CMTM7: variants seen among roughly 807,000 people sequenced by gnomAD.
The protein encoded by CMTM7 is CKLF-like MARVEL transmembrane domain-containing protein 7.
A neutral mutation model predicts 19.3 loss-of-function variants in CMTM7; 7 were observed. The ratio of observed to expected loss-of-function variants is 0.36; its 90% CI spans 0.21 to 0.68. The LOEUF is 0.68. Among genes scored for constraint, CMTM7 ranks in the 30% least tolerant of loss-of-function variants. The pLI is 0.60. For synonymous variants in CMTM7, 87 were observed against 99.3 expected, an observed-to-expected ratio of 0.88 and a Z score of 0.74; for missense variants, 193 against 232.6, an observed-to-expected ratio of 0.83 and a Z score of 1.11.
At chr3:32,402,735 T>A (rs1470862048) in intron 1 of CMTM7, among the ~76,000 whole-genome samples, 4 of 152,074 alleles carry the variant, frequency 2.6e-5, no homozygotes, top group Non-Finnish European at 4.4e-5. Context: ...CCCGGCTAAC[T>A]TTTGTATTTT....
At chr3:32,440,940 A>G (rs1696665323) in intron 1 of CMTM7, among the ~76,000 whole-genome samples, 1 of 152,178 alleles carries the variant, frequency 6.6e-6, no homozygotes, top group African/African-American at 2.4e-5. Context: ...TCTTGTACTC[A>G]TGCATTGCTA....
chr3:32,409,397 A>G (rs1405826562), intron 1 of CMTM7, among the ~76,000 whole-genome samples: 2 of 152,176 alleles, frequency 1.3e-5, no homozygotes, highest in East Asian at 3.8e-4. Flanking sequence ...GTGCTTCAGC[A>G]TGCATTTTGT....
In CMTM7 at chr3:32,407,237, C is replaced by A. The variant is rs913247750; in HGVS notation, c.159+15172C>A. On this transcript the variant is annotated intron_variant, in intron 1 of 4. Transcript: ENST00000334983. ...CAAACCTGGCTTATTTGTTTTCTTG[C>A]CCAGGCATGCCCCTGGATCTGCCAT... 1.2e-4 allele frequency among the ~76,000 whole-genome samples: 18 copies of A among 152,180 alleles called. No individual in the cohort carries two copies. The South Asian group carries it at 1.9e-3, about 16-fold the overall frequency.
intron 1 of CMTM7, among the ~76,000 whole-genome samples, chr3:32,439,652 C>T (rs1696647234): frequency 6.6e-6 from 1 of 152,308 alleles, no homozygotes; most frequent in East Asian, 1.9e-4. Context: ...CAGGGTCTTG[C>T]TTGTTGCCCA....
intron 1 of CMTM7, among the ~76,000 whole-genome samples, chr3:32,401,574 C>T (rs1696004265): frequency 6.6e-6 from 1 of 152,262 alleles, no homozygotes; most frequent in Non-Finnish European, 1.5e-5. Flanking sequence ...GCAGCGAAGG[C>T]CGCCCTTCTG....
intron 1 of CMTM7, among the ~76,000 whole-genome samples, chr3:32,439,867 G>T (rs1696649541): frequency 6.6e-6 from 1 of 152,208 alleles, no homozygotes. Context: ...CTGGAGATGG[G>T]TAACTCTTTA....
At chr3:32,399,177 A>AT (rs1695963706) in intron 1 of CMTM7, among the ~76,000 whole-genome samples, 1 of 152,010 alleles carries the variant, frequency 6.6e-6, no homozygotes, top group East Asian at 1.9e-4. Flanking sequence ...GCAAAGCATC[A>AT]TATCAACTCA....
chr3:32,417,943 T>C (rs979214820), intron 1 of CMTM7, among the ~76,000 whole-genome samples: 5 of 152,140 alleles, frequency 3.3e-5, no homozygotes, highest in Non-Finnish European at 7.4e-5. Context: ...CATCTCAGCC[T>C]CCTGAATAGC....
chr3:32,411,962 GTC>G (rs1312813472), intron 1 of CMTM7, among the ~76,000 whole-genome samples: 1 of 152,170 alleles, frequency 6.6e-6, no homozygotes, highest in Admixed American at 6.5e-5. Context: ...GAAGAGAACA[GTC>G]TCTGCAAAGT....
intron 2 of CMTM7, 145 bp downstream of exon 2, chr3:32,442,158 T>C (rs1020527599): frequency 1.3e-6 from 1 of 741,442 alleles, no homozygotes; most frequent in African/African-American, 1.8e-5. Context: ...TCCTATTGTT[T>C]GGTGGACATC....
intron 1 of CMTM7, among the ~76,000 whole-genome samples, chr3:32,400,581 C>T (rs182438921): frequency 3.3e-5 from 5 of 151,654 alleles, no homozygotes; most frequent in Admixed American, 1.3e-4. Context: ...TTAGTAGAGA[C>T]GGGGTTTCAC....
intron 3 of CMTM7, among the ~76,000 whole-genome samples, chr3:32,450,207 G>C (rs147668570): frequency 2.6e-4 from 39 of 152,188 alleles, no homozygotes; most frequent in African/African-American, 8.2e-4. Context: ...TTATAGTTCA[G>C]TGGCCTGTGG....
chr3:32,435,044 A>G (rs1696575863), intron 1 of CMTM7, among the ~76,000 whole-genome samples: 1 of 152,224 alleles, frequency 6.6e-6, no homozygotes, highest in South Asian at 2.1e-4. Flanking sequence ...TTGGTAATAA[A>G]CAACAAAATC....
At chr3:32,420,352 C>T (rs2125629921) in intron 1 of CMTM7, among the ~76,000 whole-genome samples, 1 of 152,356 alleles carries the variant, frequency 6.6e-6, no homozygotes, top group Admixed American at 6.5e-5. Flanking sequence ...AATGACCCCG[C>T]AGGCCGGGTG....
At chr3:32,407,071 G>A (rs1696101228) in intron 1 of CMTM7, among the ~76,000 whole-genome samples, 1 of 152,146 alleles carries the variant, frequency 6.6e-6, no homozygotes, top group Non-Finnish European at 1.5e-5. Flanking sequence ...ATCTGAACAG[G>A]GCACCAAGGG....
At chr3:32,412,717 G>T (rs59391234) in intron 1 of CMTM7, among the ~76,000 whole-genome samples, 11,559 of 151,708 alleles carry the variant, frequency 0.076, 496 homozygotes, top group East Asian at 0.15. Flanking sequence ...TCACCCATGC[G>T]CCCACCATTC....
At chr3:32,426,589 C>G (rs1696436302) in intron 1 of CMTM7, among the ~76,000 whole-genome samples, 1 of 151,668 alleles carries the variant, frequency 6.6e-6, no homozygotes, top group Non-Finnish European at 1.5e-5. Context: ...ACTTCTATGC[C>G]TGATTTTTTT....
At chr3:32,434,532 T>C (rs1276061965) in intron 1 of CMTM7, among the ~76,000 whole-genome samples, 1 of 151,822 alleles carries the variant, frequency 6.6e-6, no homozygotes, top group Non-Finnish European at 1.5e-5. Flanking sequence ...CTCGAACCCT[T>C]GGCTTCAAGT....
rs575971056 is a variant in CMTM7 at position 32,402,978 on chromosome 3, G to A, written c.159+10913G>A. Among the ~76,000 whole-genome samples, 3 of 152,366 alleles carry A rather than the reference G, an allele frequency of 2.0e-5. No homozygotes were observed. In the East Asian group the frequency reaches 5.8e-4, roughly 29 times the overall value. ...GTGAAGTGGAGCCTTCTGGAAAGCA[G>A]AGAGAATTACTGTATCGTGACTTCT... On this transcript the variant is annotated intron_variant, in intron 1 of 4. Coordinates refer to ENST00000334983, the MANE Select transcript of CMTM7 (RefSeq NM_138410.4).
Sources: allele counts gnomAD v4.1 joint callset (sites outside exome capture counted in the v4.1 genomes callset), GRCh38; gene constraint gnomAD v4.1.1; transcripts MANE v1.5; gene names NCBI Gene and HGNC (gene_info 2026-07-23, HGNC 2026-07-21).